EFCAB11: variants seen among roughly 807,000 people sequenced by gnomAD.
EFCAB11 encodes EF-hand calcium binding domain 11.
EFCAB11 carries 14 observed loss-of-function variants against 23.0 expected under a neutral mutation model. The ratio of observed to expected loss-of-function variants is 0.61; its 90% CI spans 0.40 to 0.95. EFCAB11 has a LOEUF of 0.95. Among genes scored for constraint, EFCAB11 ranks in the 40% least tolerant of loss-of-function variants. The pLI, the probability that EFCAB11 is intolerant of heterozygous loss-of-function variation, is 0.00. For missense variants in EFCAB11, 198 were observed against 195.8 expected, an observed-to-expected ratio of 1.01 and a Z score of -0.07; for synonymous variants, 65 against 66.6, an observed-to-expected ratio of 0.98 and a Z score of 0.11.
At chr14:89,812,782 T>A (rs996533563) in intron 5 of EFCAB11, among the ~76,000 whole-genome samples, 4 of 152,190 alleles carry the variant, frequency 2.6e-5, no homozygotes, top group Non-Finnish European at 4.4e-5. Flanking sequence ...AGTTCCAAAT[T>A]CGTTAACATG....
Position 89,924,152 on chromosome 14 carries a change from A to G in EFCAB11, c.410+7389T>C, listed in dbSNP as rs563375901. 5 of 985,964 alleles carry G rather than the reference A, an allele frequency of 5.1e-6. No homozygotes were observed. The South Asian group carries it at 2.3e-4, about 46-fold the overall frequency. 61.1% of individuals were successfully genotyped at this position (985,964 alleles called of 1,614,324 possible). A position where few individuals can be genotyped will look rare whatever the true frequency, so the allele number is the denominator to read the frequency against. ...AATACTCTGATTTTGAAAATATCTT[A>G]TTCAACAAGCAATGACATTCTCATT... On this transcript the variant is annotated intron_variant, in intron 5 of 5. Transcript: ENST00000316738.
intron 5 of EFCAB11, among the ~76,000 whole-genome samples, chr14:89,864,649 G>A (rs1888030187): frequency 6.6e-6 from 1 of 152,106 alleles, no homozygotes; most frequent in African/African-American, 2.4e-5. Flanking sequence ...ATGCTGCCCA[G>A]GCTGGTCTCG....
chr14:89,895,735 G>A (rs1412282314), intron 5 of EFCAB11, among the ~76,000 whole-genome samples: 1 of 152,114 alleles, frequency 6.6e-6, no homozygotes, highest in African/African-American at 2.4e-5. Context: ...GACTTTGGGG[G>A]TAATGAAGGG....
intron 3 of EFCAB11, among the ~76,000 whole-genome samples, chr14:89,937,192 ACT>A (rs1347891684): frequency 6.6e-6 from 1 of 152,062 alleles, no homozygotes; most frequent in Admixed American, 6.6e-5. Context: ...GGGTCATTAG[ACT>A]CTATCAATAG....
chr14:89,901,052 A>G (rs2140202661), intron 5 of EFCAB11, among the ~76,000 whole-genome samples: 1 of 152,338 alleles, frequency 6.6e-6, no homozygotes, highest in East Asian at 1.9e-4. Context: ...AATCATAACC[A>G]TCATAACAGA....
intron 5 of EFCAB11, among the ~76,000 whole-genome samples, chr14:89,901,241 T>C (rs1440165915): frequency 1.3e-5 from 2 of 152,234 alleles, no homozygotes; most frequent in African/African-American, 4.8e-5. Context: ...TTATGTCTTG[T>C]ATCGCCAGTG....
chr14:89,824,489 A>T (rs1293629394), intron 5 of EFCAB11, among the ~76,000 whole-genome samples: 1 of 152,140 alleles, frequency 6.6e-6, no homozygotes, highest in African/African-American at 2.4e-5. Context: ...AACAAATGAC[A>T]AATGAGAGAA....
intron 5 of EFCAB11, chr14:89,831,057 A>G (rs1434319873): frequency 6.6e-6 from 1 of 152,642 alleles, no homozygotes; most frequent in Non-Finnish European, 1.5e-5. Flanking sequence ...ATGGGGGCAA[A>G]GGCAGAATCC....
intron 5 of EFCAB11, among the ~76,000 whole-genome samples, chr14:89,826,650 A>T (rs780621555): frequency 3.3e-5 from 5 of 152,132 alleles, no homozygotes; most frequent in Non-Finnish European, 7.3e-5. Context: ...AAGTGAAATA[A>T]TTTGAGATTT....
chr14:89,928,581 C>G (rs1189819301), intron 5 of EFCAB11, among the ~76,000 whole-genome samples: 3 of 151,214 alleles, frequency 2.0e-5, no homozygotes, highest in Non-Finnish European at 4.4e-5. Context: ...GTTTTGTTTT[C>G]TTAAATTATT....
intron 5 of EFCAB11, among the ~76,000 whole-genome samples, chr14:89,843,177 A>G (rs1458417646): frequency 6.6e-6 from 1 of 152,134 alleles, no homozygotes; most frequent in Non-Finnish European, 1.5e-5. Flanking sequence ...TGGCTTCAGG[A>G]TTCCCTTATA....
chr14:89,824,821 C>T (rs938038975), intron 5 of EFCAB11, among the ~76,000 whole-genome samples: 2 of 151,930 alleles, frequency 1.3e-5, no homozygotes, highest in Non-Finnish European at 2.9e-5. Flanking sequence ...TAATTCTAAA[C>T]GTATACGTAC....
intron 5 of EFCAB11, among the ~76,000 whole-genome samples, chr14:89,901,128 T>A (rs1389828942): frequency 1.3e-5 from 2 of 152,234 alleles, no homozygotes; most frequent in Non-Finnish European, 2.9e-5. Context: ...ATTAAACTGC[T>A]AATTTTTTTA....
At chr14:89,876,513 CAT>C (rs1439461151) in intron 5 of EFCAB11, among the ~76,000 whole-genome samples, 8 of 152,164 alleles carry the variant, frequency 5.3e-5, no homozygotes, top group Admixed American at 5.2e-4. Flanking sequence ...AACAAAACAA[CAT>C]GTGCATGGGT....
chr14:89,800,771 G>C (rs974061439), intron 5 of EFCAB11, among the ~76,000 whole-genome samples: 1 of 152,010 alleles, frequency 6.6e-6, no homozygotes, highest in Non-Finnish European at 1.5e-5. Context: ...GGCTGGGTGT[G>C]GTGGCTCACA....
chr14:89,950,600 C>G (rs1173327058), intron 2 of EFCAB11, among the ~76,000 whole-genome samples: 3 of 152,058 alleles, frequency 2.0e-5, no homozygotes, highest in African/African-American at 7.2e-5. Flanking sequence ...AATCAGCCAT[C>G]CAATGAAAAT....
chr14:89,932,925 C>G (rs980715407), intron 3 of EFCAB11, among the ~76,000 whole-genome samples: 2 of 152,166 alleles, frequency 1.3e-5, no homozygotes, highest in Admixed American at 6.5e-5. Context: ...AACTGTAACA[C>G]TCTTCCCTCT....
chr14:89,855,278 C>T (rs1887717859), intron 5 of EFCAB11, among the ~76,000 whole-genome samples: 1 of 151,864 alleles, frequency 6.6e-6, no homozygotes, highest in Non-Finnish European at 1.5e-5. Context: ...AACTTCAAGA[C>T]CAGCCTGGGC....
intron 5 of EFCAB11, among the ~76,000 whole-genome samples, chr14:89,927,879 G>A (rs1358835315): frequency 6.6e-6 from 1 of 151,970 alleles, no homozygotes. Flanking sequence ...CCACCACCAC[G>A]CCCAGCTAAT....
Sources: allele counts gnomAD v4.1 joint callset (sites outside exome capture counted in the v4.1 genomes callset), GRCh38; gene constraint gnomAD v4.1.1; transcripts MANE v1.5; gene names NCBI Gene and HGNC (gene_info 2026-07-23, HGNC 2026-07-21).